Variants in HSPB1 observed in about 807,000 individuals in gnomAD.
The protein encoded by HSPB1 is heat shock protein beta-1.
A neutral mutation model predicts 17.0 loss-of-function variants in HSPB1; 19 were observed. The observed-to-expected ratio is 1.12, with a 90% CI of 0.78 to 1.64. HSPB1 has a LOEUF of 1.64. Among genes scored for constraint, HSPB1 ranks in the 40% most tolerant of loss-of-function variants. The pLI is 0.00. For synonymous variants in HSPB1, 165 were observed against 129.8 expected, an observed-to-expected ratio of 1.27 and a Z score of -1.84; for missense variants, 348 against 289.2, an observed-to-expected ratio of 1.20 and a Z score of -1.47.
rs376361593 is a variant in HSPB1, at chr7:76,303,810, G to T, written c.373G>T (p.Glu125Ter). 1.2e-6 allele frequency: 2 copies of T among 1,610,718 alleles called. No individual in the cohort carries two copies. Among genetic ancestry groups the T allele is most frequent in the Admixed American group, 1.7e-5 (1 of 59,954 alleles). ...CCCTCTTCCCCCCAAAGGCAAGCAC[G>T]AGGAGCGGCAGGACGAGCATGGCTA... The part of the protein sequence containing the change: ...DGVVEITGKH[E>*]ERQDEHGYIS... The change falls in exon 2 of 3, where the codon GAG becomes TAG. Residue 125 changes from glutamate to a stop codon, truncating the protein, a stop_gained. Coordinates refer to ENST00000248553, the MANE Select transcript of HSPB1 (RefSeq NM_001540.5). LOFTEE classifies it high-confidence loss of function.
Position 76,304,244 on chromosome 7 carries a change from T to G in HSPB1, c.*71T>G. The G allele has an allele frequency of 7.3e-7, 1 of 1,370,486 alleles. No homozygotes were observed. The highest frequency in any genetic ancestry group is 1.9e-5 in the Admixed American group (1 of 51,752). The allele number at this position is 1,370,486 out of a possible 1,614,324, so 84.9% of individuals were successfully genotyped here. A position where few individuals can be genotyped will look rare whatever the true frequency, so the allele number is the denominator to read the frequency against. On this transcript the variant is annotated 3_prime_UTR_variant, in exon 3 of 3. Transcript: ENST00000248553. ...CTCCCCCGCCACCTGTGTGTTCTTT[T>G]GATACATTTATCTTCTGTTTTTCTC...
In HSPB1 at chr7:76,304,181, G is replaced by T. The variant is rs756929491; in HGVS notation, c.*8G>T. The T allele has an allele frequency of 3.7e-6, 6 of 1,605,808 alleles. No individual in the cohort carries two copies. The highest frequency in any genetic ancestry group is 1.7e-4 in the Middle Eastern group (1 of 6,036). Reference sequence around the variant, plus strand: ...GAGACTGCCGCCAAGTAAAGCCTTAGCCCGGATGCCCACCCCTGCTGCCGC... The same window carrying T: ...GAGACTGCCGCCAAGTAAAGCCTTATCCCGGATGCCCACCCCTGCTGCCGC... On this transcript the variant is annotated 3_prime_UTR_variant, in exon 3 of 3. Coordinates refer to ENST00000248553, the MANE Select transcript of HSPB1 (RefSeq NM_001540.5).
At chr7:76,303,623 C>T (rs575529240) in intron 1 of HSPB1, 179 bp from the exon 2 acceptor site, 209 of 640,962 alleles carry the variant, frequency 3.3e-4, no homozygotes, top group Non-Finnish European at 5.2e-4. Flanking sequence ...AATCGAAGAA[C>T]TTTCCGGAAG....
At chr7:76,303,768 C>A in intron 1 of HSPB1, 34 bp from the exon 2 acceptor site, 1 of 1,598,010 alleles carries the variant, frequency 6.3e-7, no homozygotes, top group Non-Finnish European at 8.6e-7. Flanking sequence ...GCAGTCCCCT[C>A]CCCCGCAGTC....
In HSPB1 at chr7:76,302,965, G is replaced by A. The variant is rs773758650; in HGVS notation, c.253G>A (p.Val85Ile). Residue 85 changes from valine (V) to isoleucine (I), a missense_variant, in exon 1 of 3, where the codon GTC becomes ATC. Val to Ile is a conservative substitution (Grantham distance 29). Coordinates refer to ENST00000248553, the MANE Select transcript of HSPB1 (RefSeq NM_001540.5). ...GCTCAGCCGGCAACTCAGCAGCGGG[G>A]TCTCGGAGATCCGGCACACTGCGGA... ...RALSRQLSSG[V>I]SEIRHTADRW... is the part of the protein sequence containing the mutation. The A allele has an allele frequency of 3.2e-6, 5 of 1,544,300 alleles. No individual in the cohort carries two copies. In the East Asian group the frequency reaches 1.2e-4, roughly 37 times the overall value.
chr7:76,304,224 C>G lies in HSPB1; in HGVS notation c.*51C>G. 1 of 1,497,002 alleles carries G rather than the reference C, an allele frequency of 6.7e-7. No individual in the cohort carries two copies. The highest frequency in any genetic ancestry group is 9.2e-7 in the Non-Finnish European group (1 of 1,086,802). The allele number at this position is 1,497,002 out of a possible 1,614,324, so 92.7% of individuals were successfully genotyped here. On this transcript the variant is annotated 3_prime_UTR_variant, in exon 3 of 3. Transcript: ENST00000248553. ...GCTGCCGCCACTGGCTGTGCCTCCC[C>G]CGCCACCTGTGTGTTCTTTTGATAC...
Position 76,302,776 on chromosome 7 carries a change from T to C in HSPB1, c.64T>C (p.Trp22Arg). 1 of 1,608,090 alleles carries C rather than the reference T, an allele frequency of 6.2e-7. No individual in the cohort carries two copies. The highest frequency in any genetic ancestry group is 1.1e-5 in the South Asian group (1 of 90,966). Residue 22 changes from tryptophan to arginine, a missense_variant, in exon 1 of 3, where the codon TGG becomes CGG. By Grantham distance (101) the Trp-to-Arg change is moderately radical. Coordinates refer to ENST00000248553, the MANE Select transcript of HSPB1 (RefSeq NM_001540.5). ...CCCCAGCTGGGACCCCTTCCGCGACTGGTACCCGCATAGCCGCCTCTTCGA... is the reference window on the plus strand; with the variant it reads ...CCCCAGCTGGGACCCCTTCCGCGACCGGTACCCGCATAGCCGCCTCTTCGA... ...RGPSWDPFRD[W>R]YPHSRLFDQA...
chr7:76,303,714 C>A, intron 1 of HSPB1, 88 bp from the exon 2 acceptor site: 1 of 1,163,096 alleles, frequency 8.6e-7, no homozygotes, highest in South Asian at 1.2e-5. Context: ...GTCCTGGCTG[C>A]TTCCAAGCAG....
chr7:76,303,427 A>C, intron 1 of HSPB1: 1 of 485,962 alleles, frequency 2.1e-6, no homozygotes, highest in Non-Finnish European at 3.6e-6. Flanking sequence ...TCATCGATGA[A>C]GAGAGAAAAT....
rs765151137 is a variant in HSPB1 at position 76,302,917 on chromosome 7, G to C, written c.205G>C (p.Ala69Pro). ...CGCCGCCATCGAGAGCCCCGCAGTGGCCGCGCCCGCCTACAGCCGCGCGCT... is the reference window on the plus strand; with the variant it reads ...CGCCGCCATCGAGAGCCCCGCAGTGCCCGCGCCCGCCTACAGCCGCGCGCT... ...PPAAIESPAVAAPAYSRALSR... is the reference protein window; with the variant it reads ...PPAAIESPAVPAPAYSRALSR... The change falls in exon 1 of 3, where the codon GCC becomes CCC. Residue 69 changes from alanine (A) to proline (P), a missense_variant. Ala to Pro is a conservative substitution (Grantham distance 27). Coordinates refer to ENST00000248553, the MANE Select transcript of HSPB1 (RefSeq NM_001540.5). 1 of 1,543,128 alleles carries C rather than the reference G, an allele frequency of 6.5e-7. No homozygotes were observed. Among genetic ancestry groups the C allele is most frequent in the Admixed American group, 1.9e-5 (1 of 51,686 alleles).
intron 1 of HSPB1, 190 bp from the exon 2 acceptor site, chr7:76,303,612 G>A (rs1583965668): frequency 3.1e-6 from 2 of 635,950 alleles, no homozygotes; most frequent in East Asian, 2.7e-5. Context: ...CCAAAACTCT[G>A]AATCGAAGAA....
chr7:76,302,865 G>A lies in HSPB1; in HGVS notation c.153G>A (p.Trp51Ter), dbSNP rs769118115. 59 of 1,584,020 alleles carry A rather than the reference G, an allele frequency of 3.7e-5. No individual in the cohort carries two copies. The South Asian group carries it at 6.3e-4, about 17-fold the overall frequency. Residue 51 changes from tryptophan (W) to a stop codon, truncating the protein, a stop_gained, in exon 1 of 3, where the codon TGG becomes TGA. Coordinates refer to ENST00000248553, the MANE Select transcript of HSPB1 (RefSeq NM_001540.5). LOFTEE classifies it high-confidence loss of function. ...EWSQWLGGSS[W>*]PGYVRPLPPA... ...CGCAGTGGTTAGGCGGCAGCAGCTG[G>A]CCAGGCTACGTGCGCCCCCTGCCCC...
Position 76,303,977 on chromosome 7 carries a change from C to T in HSPB1, c.429-7C>T, listed in dbSNP as rs375972376. ...GTAACGCTTGCCTTTCCTCTCTGCA[C>T]GTCCAGGCTGCCCCCCGGTGTGGAC... On this transcript the variant is annotated splice_region_variant and splice_polypyrimidine_tract_variant and intron_variant, in intron 2 of 2. Coordinates refer to ENST00000248553, the MANE Select transcript of HSPB1 (RefSeq NM_001540.5). 2.9e-5 allele frequency: 47 copies of T among 1,613,442 alleles called. 1 individual carries two copies. The highest frequency in any genetic ancestry group is 3.7e-5 in the Non-Finnish European group (44 of 1,179,922).
At position 76,302,998 on chromosome 7, in the gene HSPB1, C is replaced by A. The variant is rs761660005; in HGVS notation, c.286C>A (p.Arg96Ser). The change falls in exon 1 of 3, where the codon CGC becomes AGC. Residue 96 changes from arginine to serine, a missense_variant. Arg to Ser is a moderately radical substitution (Grantham distance 110). Transcript: ENST00000248553. ...SEIRHTADRW[R>S]VSLDVNHFAP... ...GATCCGGCACACTGCGGACCGCTGG[C>A]GCGTGTCCCTGGATGTCAACCACTT... is the stretch of plus-strand genomic sequence containing the variant. 1.9e-6 allele frequency: 3 copies of A among 1,543,276 alleles called. No homozygotes were observed. Among genetic ancestry groups the A allele is most frequent in the Non-Finnish European group, 2.6e-6 (3 of 1,149,702 alleles).
At position 76,303,953 on chromosome 7, in the gene HSPB1, T is replaced by C. The variant is rs958456593; in HGVS notation, c.429-31T>C. 5.0e-6 allele frequency: 8 copies of C among 1,612,780 alleles called. No individual in the cohort carries two copies. In the African/African-American group the frequency reaches 5.3e-5, roughly 11 times the overall value. ...ACAGGGACCCACCCGGTGTGTAATG[T>C]AACGCTTGCCTTTCCTCTCTGCACG... On this transcript the variant is annotated intron_variant, in intron 2 of 2. Transcript: ENST00000248553.
chr7:76,302,728 G>A lies in HSPB1; in HGVS notation c.16G>A (p.Val6Ile), dbSNP rs1049324. Residue 6 changes from valine to isoleucine, a missense_variant, in exon 1 of 3, where the codon GTC (valine) becomes ATC (isoleucine). Transcript: ENST00000248553. The stretch of plus-strand genomic sequence containing the variant: ...GTCAGCCAGCATGACCGAGCGCCGC[G>A]TCCCCTTCTCGCTCCTGCGGGGCCC... Reference protein sequence around the residue: MTERRVPFSLLRGPSW... With the variant: MTERRIPFSLLRGPSW... 1.4e-4 allele frequency: 224 copies of A among 1,603,618 alleles called. No individual in the cohort carries two copies. The highest frequency in any genetic ancestry group is 1.4e-3 in the Middle Eastern group (7 of 5,090).
chr7:76,303,652 G>A (rs1283960469), intron 1 of HSPB1, 150 bp from the exon 2 acceptor site: 8 of 660,322 alleles, frequency 1.2e-5, no homozygotes, highest in East Asian at 2.7e-5. Flanking sequence ...AGCCCAGACC[G>A]GCGGGCACGC....
chr7:76,303,486 A>C, intron 1 of HSPB1: 1 of 554,626 alleles, frequency 1.8e-6, no homozygotes, highest in South Asian at 2.3e-5. Flanking sequence ...ATCCCCAGAT[A>C]AGCGGGGAGT....
Position 76,304,170 on chromosome 7 carries a change from G to T in HSPB1, c.615G>T (p.Lys205Asn), listed in dbSNP as rs1310856057. 6.8e-6 allele frequency: 11 copies of T among 1,609,898 alleles called. No individual in the cohort carries two copies. Among genetic ancestry groups the T allele is most frequent in the East Asian group, 2.2e-5 (1 of 44,574 alleles). Residue 205 changes from lysine (K) to asparagine (N), a missense_variant, in exon 3 of 3, where the codon AAG (lysine) becomes AAT (asparagine). Lys to Asn is a moderately conservative substitution (Grantham distance 94, BLOSUM62 0). Coordinates refer to ENST00000248553, the MANE Select transcript of HSPB1 (RefSeq NM_001540.5). Reference protein sequence around the residue: ...EAAKSDETAAK With the variant: ...EAAKSDETAAN ...CAAAATCCGATGAGACTGCCGCCAA[G>T]TAAAGCCTTAGCCCGGATGCCCACC... is the stretch of plus-strand genomic sequence containing the variant.
Sources: gnomAD v4.1 joint callset for allele counts on GRCh38, gnomAD v4.1.1 for gene constraint, MANE v1.5 for transcripts, NCBI Gene and HGNC (gene_info 2026-07-23, HGNC 2026-07-21) for gene names.